Variants in PTPRO observed in about 807,000 individuals in gnomAD.
PTPRO encodes the protein receptor-type tyrosine-protein phosphatase O.
Under a neutral mutation model 145.2 loss-of-function variants are expected in PTPRO, and 62 were observed. The observed-to-expected ratio is 0.43, with a 90% CI of 0.35 to 0.53. PTPRO has a LOEUF of 0.53. Ranked by LOEUF, PTPRO falls within the 20% of genes least tolerant of loss-of-function variation. The pLI is 0.01. For synonymous variants in PTPRO, 565 were observed against 514.7 expected (o/e 1.10, Z -1.32); for missense variants, 1,345 against 1,482.7 (o/e 0.91, Z 1.53).
chr12:15,503,239 T>G (rs938450717), intron 5 of PTPRO, among the ~76,000 whole-genome samples: 14 of 152,136 alleles, frequency 9.2e-5, no homozygotes, highest in African/African-American at 3.4e-4. Context: ...TTTATCTGAC[T>G]CAGTGTCTTC....
rs2111170 is a variant in PTPRO at position 15,567,650 on chromosome 12, C to T, written c.2748-1767C>T. On this transcript the variant is annotated intron_variant, in intron 18 of 26. Transcript: ENST00000281171. ...GTTAAATCCAACTTTAAGGTCGATA[C>T]ACTGCCCAAAGACACCAGCCAGAGA... Among the ~76,000 whole-genome samples, 903 of 152,258 alleles carry T rather than the reference C, an allele frequency of 5.9e-3. 3 individuals are homozygous for T. The highest frequency in any genetic ancestry group is 0.014 in the Middle Eastern group (4 of 294).
chr12:15,426,013 A>G (rs1027265543), intron 1 of PTPRO, among the ~76,000 whole-genome samples: 3 of 151,494 alleles, frequency 2.0e-5, no homozygotes, highest in Admixed American at 6.6e-5. Flanking sequence ...ATTAATTTGA[A>G]GAAAACTGAT....
intron 1 of PTPRO, among the ~76,000 whole-genome samples, chr12:15,468,973 C>A (rs527630006): frequency 1.3e-5 from 2 of 152,288 alleles, no homozygotes; most frequent in South Asian, 4.1e-4. Flanking sequence ...AACAACCCAA[C>A]AAGAAGGGGA....
chr12:15,473,612 C>T (rs1035226337), intron 1 of PTPRO, among the ~76,000 whole-genome samples: 2 of 151,612 alleles, frequency 1.3e-5, no homozygotes, highest in Non-Finnish European at 2.9e-5. Flanking sequence ...CTAAAAAGTA[C>T]AAAAATTAGC....
chr12:15,448,912 CAGA>C (rs1048564643), intron 1 of PTPRO, among the ~76,000 whole-genome samples: 42 of 151,342 alleles, frequency 2.8e-4, no homozygotes, highest in African/African-American at 9.7e-4. Context: ...AAGCCAGACA[CAGA>C]AGGACAAATA....
intron 1 of PTPRO, among the ~76,000 whole-genome samples, chr12:15,425,596 G>A (rs1173952960): frequency 6.6e-6 from 1 of 152,028 alleles, no homozygotes; most frequent in African/African-American, 2.4e-5. Context: ...TGACTTTTGG[G>A]TTTAGAACTT....
chr12:15,439,934 G>A (rs376681666), intron 1 of PTPRO: 22 of 676,864 alleles, frequency 3.3e-5, no homozygotes, highest in African/African-American at 2.1e-4. Context: ...TGGCCACATC[G>A]GTCTGGGTGT....
At chr12:15,407,608 T>C (rs975843254) in intron 1 of PTPRO, among the ~76,000 whole-genome samples, 4 of 120,268 alleles carry the variant, frequency 3.3e-5, no homozygotes, top group Non-Finnish European at 6.8e-5. Context: ...GCTTATGTAC[T>C]ATATAACCCA....
intron 2 of PTPRO, among the ~76,000 whole-genome samples, chr12:15,487,880 G>A (rs147925105): frequency 2.0e-5 from 3 of 152,302 alleles, no homozygotes; most frequent in East Asian, 1.9e-4. Flanking sequence ...ATTGGACAGA[G>A]CAATTCTTTG....
intron 7 of PTPRO, among the ~76,000 whole-genome samples, chr12:15,512,800 C>A (rs1942469586): frequency 6.6e-6 from 1 of 152,010 alleles, no homozygotes; most frequent in South Asian, 2.1e-4. Flanking sequence ...TTGAGACCAG[C>A]CTGACCAACA....
In PTPRO at chr12:15,516,864, G is replaced by T; in HGVS notation, c.1687G>T (p.Val563Phe). The T allele has an allele frequency of 6.2e-7, 1 of 1,613,106 alleles. No individual in the cohort carries two copies. Among genetic ancestry groups the T allele is most frequent in the Non-Finnish European group, 8.5e-7 (1 of 1,179,092 alleles). Residue 563 changes from valine to phenylalanine, a missense_variant, in exon 9 of 27, where the codon GTT (valine) becomes TTT (phenylalanine). Physicochemically the swap from Val to Phe is conservative, Grantham distance 50. This residue lies in a region of PTPRO where 1,130 missense variants were observed against 1,214.7 expected (regional missense o/e 0.93). Transcript: ENST00000281171. ...TTTAGGCGTGTTCAGAAAATACGTG[G>T]TTGAAATGTTTTATTTCAACCCTGC... ...PYLGVFRKYV[V>F]EMFYFNPATM...
chr12:15,494,618 TA>T (rs934413694), intron 2 of PTPRO, among the ~76,000 whole-genome samples: 2 of 152,076 alleles, frequency 1.3e-5, no homozygotes, highest in South Asian at 2.1e-4. Flanking sequence ...GAGGGAAACA[TA>T]AAAAAAACAT....
At chr12:15,559,071 A>G (rs897747084) in intron 16 of PTPRO, among the ~76,000 whole-genome samples, 10 of 152,164 alleles carry the variant, frequency 6.6e-5, no homozygotes, top group African/African-American at 2.2e-4. Context: ...GCCCAATGGG[A>G]GATCAGTGAT....
At chr12:15,590,269 G>A (rs1325437689) in intron 25 of PTPRO, among the ~76,000 whole-genome samples, 2 of 152,128 alleles carry the variant, frequency 1.3e-5, no homozygotes, top group African/African-American at 4.8e-5. Flanking sequence ...AGGCAACGCC[G>A]GCAGACAGCA....
rs528808489 is a variant in PTPRO, at chr12:15,419,637, C to T, written c.76-64337C>T. Among the ~76,000 whole-genome samples the T allele has an allele frequency of 5.1e-4, 77 of 151,532 alleles. 5 individuals carry two copies. The highest frequency in any genetic ancestry group is 1.9e-3 in the African/African-American group (76 of 40,926). Reference sequence around the variant, plus strand: ...ACAGCAAGAAAATTAATTTATGCACCGCATTTACTTGTTGATGCCCTTCGA... The same window carrying T: ...ACAGCAAGAAAATTAATTTATGCACTGCATTTACTTGTTGATGCCCTTCGA... On this transcript the variant is annotated intron_variant, in intron 1 of 26. Coordinates refer to ENST00000281171, the MANE Select transcript of PTPRO (RefSeq NM_030667.3).
chr12:15,584,133 C>T (rs139615936), intron 23 of PTPRO, among the ~76,000 whole-genome samples: 40 of 152,164 alleles, frequency 2.6e-4, no homozygotes, highest in African/African-American at 9.4e-4. Flanking sequence ...TTACAATTCT[C>T]GCTTCTTGTG....
intron 2 of PTPRO, among the ~76,000 whole-genome samples, chr12:15,489,564 T>C (rs953772216): frequency 6.6e-6 from 1 of 152,128 alleles, no homozygotes; most frequent in African/African-American, 2.4e-5. Context: ...CTGGTGGGTG[T>C]CTCTTAGCAT....
At chr12:15,591,464 A>G (rs1342309550) in intron 25 of PTPRO, among the ~76,000 whole-genome samples, 1 of 152,076 alleles carries the variant, frequency 6.6e-6, no homozygotes, top group East Asian at 1.9e-4. Flanking sequence ...TTCACATGAC[A>G]CATCCTCCAT....
intron 19 of PTPRO, among the ~76,000 whole-genome samples, chr12:15,576,017 G>T (rs897165523): frequency 1.3e-5 from 2 of 152,156 alleles, no homozygotes; most frequent in Admixed American, 1.3e-4. Context: ...TCTTTTTGGG[G>T]ATCACCATTC....
Sources: gnomAD v4.1 joint callset for allele counts (sites outside exome capture counted in the v4.1 genomes callset) on GRCh38, gnomAD v4.1.1 for gene constraint, gnomAD v4.1.1 regional missense constraint, MANE v1.5 for transcripts, NCBI Gene and HGNC (gene_info 2026-07-23, HGNC 2026-07-21) for gene names.